The following EXOC3 variants were observed in gnomAD, a reference collection of about 807,000 sequenced individuals.
EXOC3 encodes exocyst complex component 3.
Under a neutral mutation model 73.7 loss-of-function variants are expected in EXOC3, and 21 were observed. The observed-to-expected ratio is 0.29, with a 90% CI of 0.20 to 0.41. The LOEUF is 0.41. Among genes scored for constraint, EXOC3 ranks in the 10% least tolerant of loss-of-function variants. The pLI, the probability that EXOC3 is intolerant of heterozygous loss-of-function variation, is 1.00. For synonymous variants in EXOC3, 410 were observed against 389.1 expected, an observed-to-expected ratio of 1.05 and a Z score of -0.63; for missense variants, 842 against 985.1, an observed-to-expected ratio of 0.85 and a Z score of 1.95.
intron 11 of EXOC3, 42 bp from the exon 12 acceptor site, chr5:465,676 G>C: frequency 1.2e-6 from 2 of 1,612,150 alleles, no homozygotes; most frequent in Non-Finnish European, 1.7e-6. Flanking sequence ...CAGCGCCGCG[G>C]GACAGCCGAG....
intron 4 of EXOC3, 71 bp from the exon 5 acceptor site, chr5:456,818 T>A (rs1737830717): frequency 4.3e-6 from 5 of 1,168,902 alleles, no homozygotes; most frequent in Non-Finnish European, 5.1e-6. Context: ...AGTGAAACAG[T>A]CTCGGCACAC....
Position 453,988 on chromosome 5 carries a change from CG to C in EXOC3, c.985del (p.Glu329LysfsTer9), listed in dbSNP as rs1560937124. 1 of 1,613,640 alleles carries C rather than the reference CG, an allele frequency of 6.2e-7. No homozygotes were observed. The highest frequency in any genetic ancestry group is 1.3e-5 in the African/African-American group (1 of 74,936). On this transcript the variant is annotated frameshift_variant, in exon 4 of 13. Transcript: ENST00000512944. LOFTEE classifies it high-confidence loss of function. ...ALSTRMQDLA[S>X]EDLEANEIVS... ...AGCACGCGGATGCAGGACCTCGCAT[CG>C]GAAGACCTGGAAGCCAATGAGATCG... is the stretch of plus-strand genomic sequence containing the variant.
At chr5:461,515 A>C (rs1737982599) in intron 7 of EXOC3, 1 of 160,968 alleles carries the variant, frequency 6.2e-6, no homozygotes, top group African/African-American at 2.4e-5. Context: ...CAGGAGGCTG[A>C]GGCAGGAGAA....
rs1738074837 is a variant in EXOC3, at chr5:464,404, T to C, written c.1768T>C (p.Tyr590His). ...FNDFAKIKKP[Y>H]KKRMTAEAHR... ...CGATTTTGCCAAAATTAAAAAGCCGTATAAGAAGGTAAGAAGGTGGGACCT... is the reference window on the plus strand; with the variant it reads ...CGATTTTGCCAAAATTAAAAAGCCGCATAAGAAGGTAAGAAGGTGGGACCT... The change falls in exon 10 of 13, where the codon TAT becomes CAT. Residue 590 changes from tyrosine to histidine, a missense_variant. Tyr to His is a moderately conservative substitution (Grantham distance 83). Transcript: ENST00000512944. The C allele has an allele frequency of 6.2e-7, 1 of 1,613,352 alleles. No individual in the cohort carries two copies. The highest frequency in any genetic ancestry group is 8.5e-7 in the Non-Finnish European group (1 of 1,179,572).
At position 453,859 on chromosome 5, in the gene EXOC3, A is replaced by G. The variant is rs1348234792; in HGVS notation, c.854A>G (p.Tyr285Cys). ...LVRHLEIIRK[Y>C]VLDDLIVAKN... ...CGCCACCTGGAAATTATAAGGAAGT[A>G]CGTCCTGGATGACCTCATTGTCGCC... is the stretch of plus-strand genomic sequence containing the variant. Residue 285 changes from tyrosine to cysteine, a missense_variant, in exon 4 of 13, where the codon TAC (tyrosine) becomes TGC (cysteine). Coordinates refer to ENST00000512944, the MANE Select transcript of EXOC3 (RefSeq NM_007277.5). 1 of 1,613,846 alleles carries G rather than the reference A, an allele frequency of 6.2e-7. No individual in the cohort carries two copies. Among genetic ancestry groups the G allele is most frequent in the African/African-American group, 1.3e-5 (1 of 74,922 alleles).
chr5:465,823 G>A lies in EXOC3; in HGVS notation c.2044G>A (p.Val682Ile). 1 of 1,612,104 alleles carries A rather than the reference G, an allele frequency of 6.2e-7. No homozygotes were observed. Among genetic ancestry groups the A allele is most frequent in the East Asian group, 2.2e-5 (1 of 44,848 alleles). ...GCTCTACCTGGAGGTCTCCACTCTG[G>A]TCAGCAAGTATCCAGACATCAGGTA... The part of the protein sequence containing the change: ...SLLYLEVSTL[V>I]SKYPDIRDDH... Residue 682 changes from valine to isoleucine, a missense_variant, in exon 12 of 13, where the codon GTC (valine) becomes ATC (isoleucine). Val to Ile is a conservative substitution (Grantham distance 29). Coordinates refer to ENST00000512944, the MANE Select transcript of EXOC3 (RefSeq NM_007277.5).
At chr5:443,937 T>G (rs1288608060) in intron 1 of EXOC3, among the ~76,000 whole-genome samples, 2 of 150,872 alleles carry the variant, frequency 1.3e-5, no homozygotes, top group Non-Finnish European at 3.0e-5. Flanking sequence ...AAGGTGCAGG[T>G]GTCCTCCAAG....
Position 458,045 on chromosome 5 carries a change from G to A in EXOC3, c.1290+20G>A. Reference sequence around the variant, plus strand: ...TTCCAGGTACCACCTGCAGGGGACTGGCACAGTTCCGTTTCCTAGGTGGAT... The same window carrying A: ...TTCCAGGTACCACCTGCAGGGGACTAGCACAGTTCCGTTTCCTAGGTGGAT... On this transcript the variant is annotated intron_variant, in intron 6 of 12. Transcript: ENST00000512944. 6.2e-7 allele frequency: 1 copy of A among 1,609,456 alleles called. No homozygotes were observed. The highest frequency in any genetic ancestry group is 8.5e-7 in the Non-Finnish European group (1 of 1,177,694).
chr5:466,624 C>T, intron 12 of EXOC3, 103 bp from the exon 13 acceptor site: 1 of 1,177,260 alleles, frequency 8.5e-7, no homozygotes, highest in Non-Finnish European at 1.2e-6. Flanking sequence ...GGTCCTCACC[C>T]CCTGTGTTCT....
At chr5:456,542 C>G (rs186904204) in intron 4 of EXOC3, among the ~76,000 whole-genome samples, 99 of 152,338 alleles carry the variant, frequency 6.5e-4, no homozygotes, top group Middle Eastern at 3.4e-3. Context: ...TGAGCCCCAG[C>G]ACCTCATGAA....
intron 7 of EXOC3, among the ~76,000 whole-genome samples, chr5:460,998 G>T (rs767435291): frequency 1.3e-5 from 2 of 152,142 alleles, no homozygotes; most frequent in Non-Finnish European, 2.9e-5. Flanking sequence ...CATCCCCACA[G>T]TAAGTTTAAA....
intron 5 of EXOC3, chr5:457,247 C>T: frequency 1.9e-6 from 1 of 523,918 alleles, no homozygotes; most frequent in Non-Finnish European, 3.5e-6. Context: ...AGCCTGTGCC[C>T]TACTCGGCAG....
chr5:461,786 A>G (rs912238685), intron 7 of EXOC3, 174 bp from the exon 8 acceptor site: 4 of 598,280 alleles, frequency 6.7e-6, no homozygotes, highest in African/African-American at 3.7e-5. Flanking sequence ...AAAGTAATCA[A>G]CCTCTCTGTC....
In EXOC3 at chr5:465,704, C is replaced by T. The variant is rs576201876; in HGVS notation, c.1939-14C>T. ...CAGCCGAGGGCGGCTCCTCACATTGCTGCTGCCTTCCAGGGTTTCGGGGAA... is the reference window on the plus strand; with the variant it reads ...CAGCCGAGGGCGGCTCCTCACATTGTTGCTGCCTTCCAGGGTTTCGGGGAA... On this transcript the variant is annotated splice_polypyrimidine_tract_variant and intron_variant, in intron 11 of 12. Coordinates refer to ENST00000512944, the MANE Select transcript of EXOC3 (RefSeq NM_007277.5). The T allele has an allele frequency of 4.6e-5, 74 of 1,613,664 alleles. 1 individual carries two copies. In the South Asian group the frequency reaches 7.8e-4, roughly 17 times the overall value.
intron 3 of EXOC3, among the ~76,000 whole-genome samples, chr5:448,548 C>T (rs72717438): frequency 0.27 from 40,335 of 152,130 alleles, 6,988 homozygotes; most frequent in Non-Finnish European, 0.39. Flanking sequence ...CTTCCTGTTC[C>T]TCTACCAGAC....
chr5:446,839 AGAGT>A (rs1056466362), intron 2 of EXOC3, among the ~76,000 whole-genome samples: 9 of 85,260 alleles, frequency 1.1e-4, no homozygotes, highest in Non-Finnish European at 1.6e-4. Context: ...CCTGGGCAAC[AGAGT>A]GAGACTCTGT....
chr5:466,658 G>T, intron 12 of EXOC3, 69 bp from the exon 13 acceptor site: 1 of 1,493,416 alleles, frequency 6.7e-7, no homozygotes, highest in South Asian at 1.3e-5. Flanking sequence ...GTGAAGCCGT[G>T]AGTCCCTGGC....
rs1737777121 is a variant in EXOC3 at position 455,298 on chromosome 5, A to T, written c.1046+1247A>T. Among the ~76,000 whole-genome samples the T allele has an allele frequency of 2.0e-5, 3 of 152,208 alleles. No individual in the cohort carries two copies. In the South Asian group the frequency reaches 6.2e-4, roughly 31 times the overall value. ...TGGGCTGTGCATGTGTGCACCTTGC[A>T]CAGTTTGTGTCTTGATTTTGTCTTT... On this transcript the variant is annotated intron_variant, in intron 4 of 12. Transcript: ENST00000512944.
In EXOC3 at chr5:464,313, G is replaced by A. The variant is rs369512321; in HGVS notation, c.1677G>A (p.Thr559=). The A allele has an allele frequency of 3.1e-6, 5 of 1,613,332 alleles. No individual in the cohort carries two copies. The highest frequency in any genetic ancestry group is 1.7e-5 in the Admixed American group (1 of 60,002). Residue 559 remains threonine, a synonymous_variant, in exon 10 of 13, where the codon ACG becomes ACA. Coordinates refer to ENST00000512944, the MANE Select transcript of EXOC3 (RefSeq NM_007277.5). ...DLEQHLNELM[T]KKWLLGSNAV... is the part of the protein sequence containing the mutation. ...AGCAACATCTGAATGAATTGATGAC[G>A]AAGAAGTGGCTATTAGGGTCAAACG...
Sources: allele counts gnomAD v4.1 joint callset (sites outside exome capture counted in the v4.1 genomes callset), GRCh38; gene constraint gnomAD v4.1.1; transcripts MANE v1.5; gene names NCBI Gene and HGNC (gene_info 2026-07-23, HGNC 2026-07-21).